Variants in WWOX observed in about 807,000 individuals in gnomAD.
WWOX encodes WW domain-containing oxidoreductase.
WWOX carries 69 observed loss-of-function variants against 46.2 expected under a neutral mutation model. That is an observed-to-expected ratio of 1.49 (90% CI 1.23 to 1.82). The LOEUF is 1.82. WWOX is among the 40% of genes most tolerant of loss of function. WWOX has a pLI of 0.00. For synonymous variants in WWOX, 359 were observed against 202.6 expected, an observed-to-expected ratio of 1.77 and a Z score of -6.56; for missense variants, 919 against 542.6, an observed-to-expected ratio of 1.69 and a Z score of -6.89.
At position 78,567,007 on chromosome 16, in the gene WWOX, A is replaced by G. The variant is rs571862518; in HGVS notation, c.1056+134255A>G. 4.6e-5 allele frequency among the ~76,000 whole-genome samples: 7 copies of G among 152,288 alleles called. No homozygotes were observed. In the South Asian group the frequency reaches 1.2e-3, roughly 27 times the overall value. On this transcript the variant is annotated intron_variant, in intron 8 of 8. Coordinates refer to ENST00000566780, the MANE Select transcript of WWOX (RefSeq NM_016373.4). ...AGAAACTCACATGTGTGTGCTTTCT[A>G]TGTGCCAGGCATGAGGCTGAAGTCA... is the stretch of plus-strand genomic sequence containing the variant.
chr16:78,655,441 G>C (rs1045835140), intron 8 of WWOX, among the ~76,000 whole-genome samples: 13 of 152,174 alleles, frequency 8.5e-5, no homozygotes, highest in Admixed American at 3.9e-4. Flanking sequence ...GAAGTTAGAA[G>C]ATTTAAATAT....
intron 8 of WWOX, among the ~76,000 whole-genome samples, chr16:78,539,819 G>A (rs2043844554): frequency 6.6e-6 from 1 of 152,118 alleles, no homozygotes; most frequent in Admixed American, 6.5e-5. Flanking sequence ...TTGATGCTGG[G>A]AATGCGTTCA....
chr16:78,748,450 G>A (rs931808207), intron 8 of WWOX, among the ~76,000 whole-genome samples: 8 of 152,188 alleles, frequency 5.3e-5, no homozygotes, highest in African/African-American at 1.9e-4. Context: ...AAATAAAATA[G>A]AAGCTTAATC....
chr16:78,336,130 A>G (rs916998537), intron 5 of WWOX, among the ~76,000 whole-genome samples: 1 of 151,904 alleles, frequency 6.6e-6, no homozygotes. Context: ...GACTAAATGT[A>G]TAAAAGGTAC....
At chr16:78,955,588 T>A (rs1412278964) in intron 8 of WWOX, among the ~76,000 whole-genome samples, 1 of 152,162 alleles carries the variant, frequency 6.6e-6, no homozygotes, top group Non-Finnish European at 1.5e-5. Flanking sequence ...TTATGAAACC[T>A]CTTTTAACTT....
intron 8 of WWOX, among the ~76,000 whole-genome samples, chr16:78,605,923 G>A (rs1203335580): frequency 6.6e-6 from 1 of 152,172 alleles, no homozygotes; most frequent in African/African-American, 2.4e-5. Context: ...GGAGCAAGAA[G>A]CTGAAACATG....
intron 8 of WWOX, among the ~76,000 whole-genome samples, chr16:78,641,102 G>A (rs1262768535): frequency 1.3e-5 from 2 of 152,146 alleles, no homozygotes; most frequent in Non-Finnish European, 2.9e-5. Flanking sequence ...GTTTGGGAGA[G>A]AAGCAGGCTG....
At position 79,071,812 on chromosome 16, in the gene WWOX, G is replaced by A. The variant is rs148642025; in HGVS notation, c.1057-139796G>A. Among the ~76,000 whole-genome samples, 16 of 152,312 alleles carry A rather than the reference G, an allele frequency of 1.1e-4. 1 individual carries two copies. In the East Asian group the frequency reaches 2.3e-3, roughly 22 times the overall value. On this transcript the variant is annotated intron_variant, in intron 8 of 8. Transcript: ENST00000566780. ...AGGAGTTAAACCAGATTCTGCCTAG[G>A]GACAAGTGTGTTGGGAGCTCTGCTT... is the stretch of plus-strand genomic sequence containing the variant.
chr16:79,174,542 T>C (rs1485844213), intron 8 of WWOX, among the ~76,000 whole-genome samples: 1 of 152,164 alleles, frequency 6.6e-6, no homozygotes, highest in Non-Finnish European at 1.5e-5. Context: ...CCAGCTACTC[T>C]GGGCCTGAGG....
At chr16:79,207,347 C>G (rs2051549863) in intron 8 of WWOX, among the ~76,000 whole-genome samples, 2 of 152,216 alleles carry the variant, frequency 1.3e-5, no homozygotes, top group South Asian at 2.1e-4. Flanking sequence ...TCCTTTTAGC[C>G]AAACCTGCTC....
At chr16:78,545,494 A>G (rs950813323) in intron 8 of WWOX, among the ~76,000 whole-genome samples, 3 of 152,208 alleles carry the variant, frequency 2.0e-5, no homozygotes, top group African/African-American at 7.2e-5. Flanking sequence ...CTGGGACGAC[A>G]GGTGCCTGCA....
intron 8 of WWOX, among the ~76,000 whole-genome samples, chr16:78,852,633 A>T (rs543390854): frequency 6.6e-6 from 1 of 152,202 alleles, no homozygotes; most frequent in Non-Finnish European, 1.5e-5. Flanking sequence ...CAGAAAATCT[A>T]TGTGAGGGAG....
chr16:78,826,322 G>T (rs560718438), intron 8 of WWOX, among the ~76,000 whole-genome samples: 1 of 152,244 alleles, frequency 6.6e-6, no homozygotes, highest in South Asian at 2.1e-4. Context: ...CTCCAGCCTG[G>T]GCAAAAAGAG....
intron 8 of WWOX, among the ~76,000 whole-genome samples, chr16:78,495,508 G>C (rs9941305): frequency 0.067 from 912 of 13,616 alleles, 10 homozygotes; most frequent in Middle Eastern, 0.33. Flanking sequence ...ATAGAAAATG[G>C]TCTTTTTTTT....
intron 5 of WWOX, among the ~76,000 whole-genome samples, chr16:78,354,574 C>T (rs1288517288): frequency 6.6e-6 from 1 of 152,034 alleles, no homozygotes; most frequent in African/African-American, 2.4e-5. Flanking sequence ...TAGAAATATC[C>T]AGCAAGCCAC....
At chr16:79,098,069 C>A (rs2049113272) in intron 8 of WWOX, among the ~76,000 whole-genome samples, 1 of 152,124 alleles carries the variant, frequency 6.6e-6, no homozygotes, top group Non-Finnish European at 1.5e-5. Flanking sequence ...GAATTTGATT[C>A]CTAGGTACAT....
chr16:78,299,374 C>T (rs2080000379), intron 5 of WWOX, among the ~76,000 whole-genome samples: 1 of 152,222 alleles, frequency 6.6e-6, no homozygotes. Flanking sequence ...ACCCTGATTA[C>T]CTACATTTAT....
At chr16:78,669,970 C>T (rs888371883) in intron 8 of WWOX, among the ~76,000 whole-genome samples, 1 of 152,096 alleles carries the variant, frequency 6.6e-6, no homozygotes, top group Non-Finnish European at 1.5e-5. Flanking sequence ...CCTTTTCTCC[C>T]TTCATCCTCC....
intron 8 of WWOX, among the ~76,000 whole-genome samples, chr16:79,109,672 G>A (rs901492802): frequency 4.6e-5 from 7 of 152,098 alleles, no homozygotes; most frequent in African/African-American, 1.7e-4. Context: ...CTCCAAGTTT[G>A]GTGTTCATTA....
Sources: gnomAD v4.1 joint callset for allele counts (sites outside exome capture counted in the v4.1 genomes callset) on GRCh38, gnomAD v4.1.1 for gene constraint, MANE v1.5 for transcripts, NCBI Gene and HGNC (gene_info 2026-07-23, HGNC 2026-07-21) for gene names.